The following TIAM1 variants were observed in gnomAD, a reference collection of about 807,000 sequenced individuals.
TIAM1 encodes TIAM Rac1 associated GEF 1, also known as rho guanine nucleotide exchange factor TIAM1.
In TIAM1, 65 loss-of-function variants were observed where a neutral mutation model predicts 163.5. The ratio of observed to expected loss-of-function variants is 0.40; its 90% confidence interval spans 0.33 to 0.49. TIAM1 has a LOEUF of 0.49. Ranked by LOEUF, TIAM1 falls within the 20% of genes least tolerant of loss-of-function variation. The pLI is 0.77. For missense variants in TIAM1, 1,789 were observed against 2,044.7 expected, an observed-to-expected ratio of 0.87 and a Z score of 2.41; for synonymous variants, 833 against 810.1, an observed-to-expected ratio of 1.03 and a Z score of -0.48.
At chr21:31,553,898 G>A (rs2048780169) in intron 1 of TIAM1, among the ~76,000 whole-genome samples, 1 of 152,044 alleles carries the variant, frequency 6.6e-6, no homozygotes, top group African/African-American at 2.4e-5. Flanking sequence ...AGGATTCCAA[G>A]ACCCACTCCT....
chr21:31,349,747 T>C (rs538770739), intron 2 of TIAM1, among the ~76,000 whole-genome samples: 1 of 152,096 alleles, frequency 6.6e-6, no homozygotes, highest in Non-Finnish European at 1.5e-5. Context: ...CATTGGGTCA[T>C]GAGAGAAGCA....
chr21:31,195,395 T>C (rs1247662608), intron 12 of TIAM1, 90 bp from the exon 13 acceptor site: 7 of 908,530 alleles, frequency 7.7e-6, no homozygotes, highest in Non-Finnish European at 1.2e-5. Context: ...TTTTTCACAA[T>C]TGATACTTAC....
At position 31,226,975 on chromosome 21, in the gene TIAM1, G is replaced by C. The variant is rs1362865942; in HGVS notation, c.1585-1025C>G. Among the ~76,000 whole-genome samples, 13 of 35,836 alleles carry C rather than the reference G, an allele frequency of 3.6e-4. No individual in the cohort carries two copies. The Admixed American group carries it at 3.7e-3, about 10-fold the overall frequency. The allele number at this position is 35,836 out of a possible 152,430, so 23.5% of individuals were successfully genotyped here. On this transcript the variant is annotated intron_variant, in intron 6 of 27. Transcript: ENST00000541036. Reference sequence around the variant, plus strand: ...GTGTTTTTTTTTTTTTTTTTTTTTTGAGACAGGGTCGTGCTCTGTTGCCCA... The same window carrying C: ...GTGTTTTTTTTTTTTTTTTTTTTTTCAGACAGGGTCGTGCTCTGTTGCCCA...
At chr21:31,499,493 G>C (rs1191038698) in intron 1 of TIAM1, among the ~76,000 whole-genome samples, 14 of 151,716 alleles carry the variant, frequency 9.2e-5, no homozygotes, top group Admixed American at 9.2e-4. Context: ...GTGAGCAACG[G>C]TCACGCTGCT....
chr21:31,179,090 G>T (rs1333840485), intron 15 of TIAM1, among the ~76,000 whole-genome samples: 1 of 151,092 alleles, frequency 6.6e-6, no homozygotes, highest in Non-Finnish European at 1.5e-5. Context: ...AAAATTTTAA[G>T]AAATAAAGCA....
At chr21:31,497,899 TA>T (rs2046718991) in intron 1 of TIAM1, among the ~76,000 whole-genome samples, 1 of 152,210 alleles carries the variant, frequency 6.6e-6, no homozygotes, top group Admixed American at 6.5e-5. Context: ...AGTTTCAGCC[TA>T]AATTGGACAG....
chr21:31,367,565 G>A (rs2076523383), intron 2 of TIAM1, among the ~76,000 whole-genome samples: 1 of 152,080 alleles, frequency 6.6e-6, no homozygotes, highest in African/African-American at 2.4e-5. Flanking sequence ...AGTTTGGCAA[G>A]AATGTTTTTA....
At chr21:31,416,984 A>T (rs2043395870) in intron 2 of TIAM1, among the ~76,000 whole-genome samples, 1 of 152,212 alleles carries the variant, frequency 6.6e-6, no homozygotes, top group Non-Finnish European at 1.5e-5. Context: ...ATAAAGACAT[A>T]TCCAAGATTC....
chr21:31,509,033 C>T (rs1342617686), intron 1 of TIAM1, among the ~76,000 whole-genome samples: 1 of 152,168 alleles, frequency 6.6e-6, no homozygotes, highest in Non-Finnish European at 1.5e-5. Flanking sequence ...GTGAGACCCC[C>T]TGGAGGGAAT....
rs1223735783 is a variant in TIAM1 at position 31,440,451 on chromosome 21, A to C, written c.-369+23532T>G. ...ATAGCCTAATTCCTGACACAAAATA[A>C]ACCTAAATTCTTGGCCTTTAAAAAA... On this transcript the variant is annotated intron_variant, in intron 2 of 28. Transcript: ENST00000286827. 2.0e-5 allele frequency among the ~76,000 whole-genome samples: 3 copies of C among 152,208 alleles called. No homozygotes were observed. The East Asian group carries it at 5.8e-4, about 29-fold the overall frequency.
chr21:31,222,437 C>T (rs1331278708), intron 8 of TIAM1, among the ~76,000 whole-genome samples: 1 of 152,024 alleles, frequency 6.6e-6, no homozygotes, highest in Non-Finnish European at 1.5e-5. Flanking sequence ...AAACACACAA[C>T]ACAACTATAC....
At chr21:31,464,144 A>T (rs2045435712) in intron 1 of TIAM1, 2 of 152,230 alleles carry the variant, frequency 1.3e-5, no homozygotes, top group South Asian at 4.1e-4. Flanking sequence ...GTCATTTATA[A>T]AACTCTACCA....
intron 1 of TIAM1, among the ~76,000 whole-genome samples, chr21:31,510,128 A>G (rs1055949728): frequency 3.9e-5 from 6 of 152,184 alleles, no homozygotes; most frequent in African/African-American, 1.2e-4. Flanking sequence ...GGCTTGCCAT[A>G]ACAAAATACC....
intron 10 of TIAM1, among the ~76,000 whole-genome samples, chr21:31,212,458 G>A (rs1008685705): frequency 2.0e-5 from 3 of 152,004 alleles, no homozygotes; most frequent in Non-Finnish European, 4.4e-5. Flanking sequence ...CACTACTAGG[G>A]TCTTGAAAAC....
intron 1 of TIAM1, among the ~76,000 whole-genome samples, chr21:31,549,310 G>A (rs2048603693): frequency 6.6e-6 from 1 of 152,138 alleles, no homozygotes; most frequent in African/African-American, 2.4e-5. Flanking sequence ...TCATGACTAA[G>A]TAAACATTTT....
At chr21:31,327,633 G>A (rs193147011) in intron 2 of TIAM1, among the ~76,000 whole-genome samples, 7 of 85,446 alleles carry the variant, frequency 8.2e-5, no homozygotes, top group African/African-American at 2.9e-4. Flanking sequence ...AGAGTGAAAC[G>A]CCGCCATCTC....
At chr21:31,432,229 T>A (rs1243177275) in intron 2 of TIAM1, among the ~76,000 whole-genome samples, 1 of 151,084 alleles carries the variant, frequency 6.6e-6, no homozygotes, top group Admixed American at 6.7e-5. Context: ...GCCTCCTGAG[T>A]AGCTGGGACT....
chr21:31,526,586 C>T (rs1183804825), intron 1 of TIAM1, among the ~76,000 whole-genome samples: 1 of 152,168 alleles, frequency 6.6e-6, no homozygotes. Context: ...CAATGCAGAC[C>T]CTGCATGGCC....
intron 2 of TIAM1, among the ~76,000 whole-genome samples, chr21:31,450,189 A>G (rs914953014): frequency 2.0e-5 from 3 of 152,096 alleles, no homozygotes; most frequent in Admixed American, 1.3e-4. Flanking sequence ...TATACAAGAC[A>G]ACTCTGTATC....
Sources: allele counts gnomAD v4.1 joint callset (sites outside exome capture counted in the v4.1 genomes callset), GRCh38; gene constraint gnomAD v4.1.1; transcripts MANE v1.5; gene names NCBI Gene and HGNC (gene_info 2026-07-23, HGNC 2026-07-21).